PTPRD: variants seen among roughly 807,000 people sequenced by gnomAD.
PTPRD encodes the protein protein tyrosine phosphatase receptor type D, also known as receptor-type tyrosine-protein phosphatase delta.
A neutral mutation model predicts 214.5 loss-of-function variants in PTPRD; 34 were observed. The observed-to-expected ratio is 0.16, with a 90% CI of 0.12 to 0.21. PTPRD has a LOEUF of 0.21. Among genes scored for constraint, PTPRD ranks in the 10% least tolerant of loss-of-function variants. PTPRD has a pLI of 1.00. For missense variants in PTPRD, 2,545 were observed against 2,398.7 expected (o/e 1.06, Z -1.27); for synonymous variants, 1,128 against 845.7 (o/e 1.33, Z -5.79).
chr9:10,166,038 A>C (rs1473143901), intron 3 of PTPRD, among the ~76,000 whole-genome samples: 1 of 149,862 alleles, frequency 6.7e-6, no homozygotes, highest in East Asian at 1.9e-4. Flanking sequence ...TATATTATGC[A>C]TTATATATAC....
At chr9:9,471,197 C>A (rs1401769181) in intron 8 of PTPRD, among the ~76,000 whole-genome samples, 1 of 152,156 alleles carries the variant, frequency 6.6e-6, no homozygotes, top group African/African-American at 2.4e-5. Context: ...CACAATTTGA[C>A]TACATTTGTG....
intron 7 of PTPRD, among the ~76,000 whole-genome samples, chr9:9,606,965 TAAAAAAAAAAAA>T (rs754610072): frequency 3.6e-3 from 98 of 27,462 alleles, no homozygotes; most frequent in African/African-American, 0.012. Context: ...TCAGCACTGC[TAAAAAAAAAAAA>T]AAAAAAAAAA....
chr9:9,450,309 T>C (rs1442779872), intron 8 of PTPRD, among the ~76,000 whole-genome samples: 1 of 152,056 alleles, frequency 6.6e-6, no homozygotes, highest in Admixed American at 6.6e-5. Context: ...GATCAAATGG[T>C]AGTTCTACTT....
At chr9:9,327,228 A>C (rs952867713) in intron 9 of PTPRD, among the ~76,000 whole-genome samples, 3 of 152,154 alleles carry the variant, frequency 2.0e-5, no homozygotes, top group African/African-American at 7.2e-5. Context: ...ATATGTAAAC[A>C]ACAAGAATGT....
chr9:9,266,154 T>A (rs778030494), intron 9 of PTPRD, among the ~76,000 whole-genome samples: 5 of 151,522 alleles, frequency 3.3e-5, no homozygotes, highest in Admixed American at 6.6e-5. Flanking sequence ...AGTCATTTTA[T>A]AATGATAAAA....
At chr9:8,424,123 G>C (rs1193227256) in intron 35 of PTPRD, among the ~76,000 whole-genome samples, 1 of 152,104 alleles carries the variant, frequency 6.6e-6, no homozygotes. Flanking sequence ...GTTGTTGATA[G>C]ACTGTCTCTG....
chr9:10,503,142 G>A (rs958215821), intron 2 of PTPRD, among the ~76,000 whole-genome samples: 1 of 128,170 alleles, frequency 7.8e-6, no homozygotes, highest in African/African-American at 2.9e-5. Context: ...TTAAAAGAAT[G>A]GTTATCTGGA....
At chr9:10,606,462 G>T (rs1182688009) in intron 2 of PTPRD, among the ~76,000 whole-genome samples, 2 of 151,280 alleles carry the variant, frequency 1.3e-5, no homozygotes, top group East Asian at 3.9e-4. Context: ...CTAAATACAG[G>T]TTTTTCGTAA....
chr9:9,093,913 C>T (rs1382284066), intron 10 of PTPRD, among the ~76,000 whole-genome samples: 1 of 151,536 alleles, frequency 6.6e-6, no homozygotes, highest in Non-Finnish European at 1.5e-5. Context: ...AATTGATAAA[C>T]TTCTAGCCAG....
intron 11 of PTPRD, among the ~76,000 whole-genome samples, chr9:8,772,742 A>G (rs1565942810): frequency 6.6e-6 from 1 of 151,458 alleles, no homozygotes; most frequent in Non-Finnish European, 1.5e-5. Flanking sequence ...CAATAGGTTG[A>G]TTTTTTTTTC....
intron 35 of PTPRD, among the ~76,000 whole-genome samples, chr9:8,433,528 C>T (rs1202495806): frequency 6.6e-6 from 1 of 152,064 alleles, no homozygotes; most frequent in Non-Finnish European, 1.5e-5. Context: ...GTGGACAAAA[C>T]GTGAAGGCAG....
intron 7 of PTPRD, among the ~76,000 whole-genome samples, chr9:9,592,799 C>T (rs2092872941): frequency 1.3e-5 from 2 of 151,990 alleles, no homozygotes; most frequent in African/African-American, 2.4e-5. Flanking sequence ...AATCCCAGCA[C>T]TTTGGGAGGT....
intron 12 of PTPRD, among the ~76,000 whole-genome samples, chr9:8,676,149 A>G (rs1363213557): frequency 1.3e-5 from 2 of 152,188 alleles, no homozygotes; most frequent in Non-Finnish European, 1.5e-5. Flanking sequence ...GTTGCCTGGC[A>G]TGTAAATCTC....
At chr9:8,910,102 A>G (rs1432665139) in intron 11 of PTPRD, among the ~76,000 whole-genome samples, 1 of 151,832 alleles carries the variant, frequency 6.6e-6, no homozygotes, top group Non-Finnish European at 1.5e-5. Context: ...GCAGTGGCTC[A>G]ATCTCGGCTC....
chr9:9,980,618 C>CAAAA (rs1202080056), intron 4 of PTPRD, among the ~76,000 whole-genome samples: 21 of 23,258 alleles, frequency 9.0e-4, no homozygotes, highest in Non-Finnish European at 1.3e-3. Flanking sequence ...CAAAAAAAAA[C>CAAAA]AAAAAAAAAA....
chr9:9,051,121 C>G (rs1199687269), intron 10 of PTPRD, among the ~76,000 whole-genome samples: 1 of 152,022 alleles, frequency 6.6e-6, no homozygotes, highest in Non-Finnish European at 1.5e-5. Context: ...CAGTCATTCT[C>G]TGTACATATT....
intron 2 of PTPRD, among the ~76,000 whole-genome samples, chr9:10,401,739 C>T (rs2098273258): frequency 6.7e-6 from 1 of 150,044 alleles, no homozygotes; most frequent in African/African-American, 2.4e-5. Flanking sequence ...GAATTTCTTC[C>T]TTTGTATGAT....
At chr9:10,421,389 A>G (rs756758898) in intron 2 of PTPRD, among the ~76,000 whole-genome samples, 1 of 151,950 alleles carries the variant, frequency 6.6e-6, no homozygotes, top group Non-Finnish European at 1.5e-5. Flanking sequence ...TAAATGGAGC[A>G]AGGTTCCGTT....
intron 4 of PTPRD, among the ~76,000 whole-genome samples, chr9:10,006,316 C>G (rs80012158): frequency 0.027 from 4,179 of 152,042 alleles, 78 homozygotes; most frequent in Middle Eastern, 0.095. Context: ...CAGCTCTAGT[C>G]CCATTATTAC....
Sources: allele counts gnomAD v4.1 joint callset (sites outside exome capture counted in the v4.1 genomes callset), GRCh38; gene constraint gnomAD v4.1.1; transcripts MANE v1.5; gene names NCBI Gene and HGNC (gene_info 2026-07-23, HGNC 2026-07-21).